PKP2: variants seen among roughly 807,000 people sequenced by gnomAD.
PKP2 encodes plakophilin 2, also known as plakophilin-2.
A neutral mutation model predicts 83.4 loss-of-function variants in PKP2; 73 were observed. The ratio of observed to expected loss-of-function variants is 0.88; its 90% confidence interval spans 0.72 to 1.06. The LOEUF is 1.06. Ranked by LOEUF, PKP2 falls within the 50% of genes least tolerant of loss-of-function variation. The pLI, the probability that PKP2 is intolerant of heterozygous loss-of-function variation, is 0.00. For missense variants in PKP2, 966 were observed against 1,065.4 expected, an observed-to-expected ratio of 0.91 and a Z score of 1.30; for synonymous variants, 409 against 430.4, an observed-to-expected ratio of 0.95 and a Z score of 0.62.
chr12:32,858,064 CAAAAAAAAAA>C (rs777690496), intron 4 of PKP2, among the ~76,000 whole-genome samples: 8 of 27,394 alleles, frequency 2.9e-4, no homozygotes, highest in East Asian at 1.1e-3. Context: ...CCCATCTCTA[CAAAAAAAAAA>C]AAAAAAAAAA....
At position 32,790,822 on chromosome 12, in the gene PKP2, T is replaced by C. The variant is rs760973876; in HGVS notation, c.*1602A>G. 2 of 152,182 alleles carry C rather than the reference T, an allele frequency of 1.3e-5. No individual in the cohort carries two copies. The highest frequency in any genetic ancestry group is 2.9e-5 in the Non-Finnish European group (2 of 68,018). 9.4% of individuals were successfully genotyped at this position (152,182 alleles called of 1,614,324 possible). A position where few individuals can be genotyped will look rare whatever the true frequency, so the allele number is the denominator to read the frequency against. ...AAACACAAAAAGTTCTGAACACACATTTATTATCTGGAGGAATAAATGCAC... is the reference window on the plus strand; with the variant it reads ...AAACACAAAAAGTTCTGAACACACACTTATTATCTGGAGGAATAAATGCAC... On this transcript the variant is annotated 3_prime_UTR_variant, in exon 13 of 13. Coordinates refer to ENST00000340811, the MANE Select transcript of PKP2 (RefSeq NM_001005242.3).
chr12:32,804,777 T>C (rs552521325), intron 9 of PKP2, among the ~76,000 whole-genome samples: 1 of 152,308 alleles, frequency 6.6e-6, no homozygotes, highest in Admixed American at 6.5e-5. Flanking sequence ...TGCATGTATC[T>C]TTATAAGAGG....
At chr12:32,809,245 GGCCCT>G (rs1956255061) in intron 9 of PKP2, among the ~76,000 whole-genome samples, 2 of 152,176 alleles carry the variant, frequency 1.3e-5, no homozygotes, top group South Asian at 4.1e-4. Context: ...CCCACAGGGA[GGCCCT>G]GCCCAGTGAG....
rs7957460 is a variant in PKP2, at chr12:32,792,901, G to A, written c.2358-170C>T. 0.59 allele frequency: 400,425 copies of A among 676,214 alleles called. 125,074 individuals are homozygous for A. Among genetic ancestry groups the A allele is most frequent in the Non-Finnish European group, 0.67 (247,454 of 371,364 alleles). 41.9% of individuals were successfully genotyped at this position (676,214 alleles called of 1,614,324 possible). A position where few individuals can be genotyped will look rare whatever the true frequency, so the allele number is the denominator to read the frequency against. On this transcript the variant is annotated intron_variant, in intron 11 of 12. Transcript: ENST00000340811. ...AATTAGGCAGCAAGCTCTGCAAGGC[G>A]GGGACCATATCTGTTTTTGTTTTCT...
chr12:32,799,302 A>G (rs1341287608), intron 10 of PKP2, among the ~76,000 whole-genome samples: 3 of 152,172 alleles, frequency 2.0e-5, no homozygotes, highest in Admixed American at 6.5e-5. Flanking sequence ...TGGCATGGAT[A>G]TGGTGAAAAG....
chr12:32,873,683 C>A (rs1158614410), intron 3 of PKP2, among the ~76,000 whole-genome samples: 1 of 152,162 alleles, frequency 6.6e-6, no homozygotes, highest in African/African-American at 2.4e-5. Flanking sequence ...GCATCCACCA[C>A]CATGCCTGGC....
chr12:32,858,618 T>C (rs989384003), intron 4 of PKP2, among the ~76,000 whole-genome samples: 36 of 151,994 alleles, frequency 2.4e-4, no homozygotes, highest in African/African-American at 7.5e-4. Flanking sequence ...TTTGATCTCA[T>C]AAGAATTTTA....
At chr12:32,866,502 A>G (rs11615313) in intron 4 of PKP2, among the ~76,000 whole-genome samples, 26,200 of 148,278 alleles carry the variant, frequency 0.18, 2,471 homozygotes, top group Middle Eastern at 0.24. Context: ...AATGAGCCAA[A>G]ATTGTGCCAC....
intron 1 of PKP2, among the ~76,000 whole-genome samples, chr12:32,887,320 A>G (rs1040315177): frequency 3.3e-5 from 5 of 152,180 alleles, no homozygotes; most frequent in African/African-American, 9.7e-5. Flanking sequence ...TATACCAGCC[A>G]CTAGAGTCCT....
At chr12:32,820,247 GCTA>G (rs2137769305) in intron 9 of PKP2, 1 of 152,218 alleles carries the variant, frequency 6.6e-6, no homozygotes, top group Non-Finnish European at 1.5e-5. Context: ...AATATTTTTT[GCTA>G]CTTACAATAG....
intron 1 of PKP2, among the ~76,000 whole-genome samples, chr12:32,882,967 A>G (rs1254054835): frequency 6.6e-6 from 1 of 152,162 alleles, no homozygotes; most frequent in Non-Finnish European, 1.5e-5. Context: ...GGACAAAAAA[A>G]TTATTTTTCT....
intron 9 of PKP2, chr12:32,820,912 C>T (rs933171377): frequency 2.5e-5 from 5 of 197,452 alleles, no homozygotes; most frequent in East Asian, 1.3e-4. Context: ...GCTGATAAAA[C>T]GTGAGCCTGA....
chr12:32,856,997 T>C (rs1956755757), intron 4 of PKP2, among the ~76,000 whole-genome samples: 1 of 152,276 alleles, frequency 6.6e-6, no homozygotes, highest in African/African-American at 2.4e-5. Flanking sequence ...GGCACCTATG[T>C]AATTAGGGTG....
In PKP2 at chr12:32,878,002, C is replaced by G. The variant is rs1323074715; in HGVS notation, c.878G>C (p.Ser293Thr). The stretch of plus-strand genomic sequence containing the variant: ...CAGCGTGCGGGTGCTGTGGAAGGAG[C>G]TCTGATGCCAGGAGGACCTGGAAGC... ...NRASRSSWHQ[S>T]SFHSTRTLRE... Residue 293 changes from serine (S) to threonine (T), a missense_variant, in exon 3 of 13, where the codon AGC becomes ACC. Ser to Thr is a moderately conservative substitution (Grantham distance 58). Coordinates refer to ENST00000340811, the MANE Select transcript of PKP2 (RefSeq NM_001005242.3). The G allele has an allele frequency of 2.5e-6, 4 of 1,613,900 alleles. No individual in the cohort carries two copies. The African/African-American group carries it at 5.3e-5, about 22-fold the overall frequency.
At chr12:32,821,973 G>C (rs1183864587) in intron 8 of PKP2, among the ~76,000 whole-genome samples, 1 of 152,194 alleles carries the variant, frequency 6.6e-6, no homozygotes, top group Non-Finnish European at 1.5e-5. Context: ...CAGAGAAGGA[G>C]GGGAGGTTAC....
rs181077744 is a variant in PKP2, at chr12:32,807,223, G to A, written c.2014-4667C>T. Among the ~76,000 whole-genome samples the A allele has an allele frequency of 2.6e-3, 397 of 152,172 alleles. 3 individuals carry two copies. The highest frequency in any genetic ancestry group is 8.8e-3 in the African/African-American group (364 of 41,524). ...AGTTCTGTAGATATCTATCAGGTCC[G>A]CTTGATCCAGAGCTGAGTTAACTCT... is the stretch of plus-strand genomic sequence containing the variant. On this transcript the variant is annotated intron_variant, in intron 9 of 12. Coordinates refer to ENST00000340811, the MANE Select transcript of PKP2 (RefSeq NM_001005242.3).
Position 32,810,972 on chromosome 12 carries a change from C to T in PKP2, c.2014-8416G>A, listed in dbSNP as rs1232421979. ...CTGGGATTACAGGCGTGAGCCACCGCGCCCGGCCAGAATAAACATTTTTTA... is the reference window on the plus strand; with the variant it reads ...CTGGGATTACAGGCGTGAGCCACCGTGCCCGGCCAGAATAAACATTTTTTA... On this transcript the variant is annotated intron_variant, in intron 9 of 12. Coordinates refer to ENST00000340811, the MANE Select transcript of PKP2 (RefSeq NM_001005242.3). Among the ~76,000 whole-genome samples the T allele has an allele frequency of 1.7e-3, 11 of 6,442 alleles. 5 individuals are homozygous for T. In the Non-Finnish European group the frequency reaches 0.024, roughly 14 times the overall value. The allele number at this position is 6,442 out of a possible 152,430, so 4.2% of individuals were successfully genotyped here. A position where few individuals can be genotyped will look rare whatever the true frequency, so the allele number is the denominator to read the frequency against.
At chr12:32,873,957 T>C (rs1956913785) in intron 3 of PKP2, among the ~76,000 whole-genome samples, 1 of 152,212 alleles carries the variant, frequency 6.6e-6, no homozygotes, top group South Asian at 2.1e-4. Flanking sequence ...ATTTTTTTTG[T>C]GGTGATTCTT....
At chr12:32,825,422 T>C (rs565786792) in intron 6 of PKP2, among the ~76,000 whole-genome samples, 18 of 152,096 alleles carry the variant, frequency 1.2e-4, no homozygotes, top group Non-Finnish European at 2.1e-4. Context: ...CCGCCCGCCT[T>C]GGCCTCCCAA....
Sources: allele counts gnomAD v4.1 joint callset (sites outside exome capture counted in the v4.1 genomes callset), GRCh38; gene constraint gnomAD v4.1.1; transcripts MANE v1.5; gene names NCBI Gene and HGNC (gene_info 2026-07-23, HGNC 2026-07-21).